The following INSRR variants were observed in gnomAD, a reference collection of about 807,000 sequenced individuals.
INSRR encodes the protein insulin receptor-related protein.
Under a neutral mutation model 130.0 loss-of-function variants are expected in INSRR, and 114 were observed. That is an observed-to-expected ratio of 0.88 (90% confidence interval 0.75 to 1.02). The LOEUF (loss-of-function observed/expected upper bound fraction) is 1.02. Among genes scored for constraint, INSRR ranks in the 50% least tolerant of loss-of-function variants. The pLI, the probability that INSRR is intolerant of heterozygous loss-of-function variation, is 0.00. For missense variants in INSRR, 1,657 were observed against 1,735.2 expected, an observed-to-expected ratio of 0.95 and a Z score of 0.80; for synonymous variants, 674 against 705.2, an observed-to-expected ratio of 0.96 and a Z score of 0.70.
chr1:156,848,097 C>T (rs750920508), intron 7 of INSRR, among the ~76,000 whole-genome samples: 20 of 151,586 alleles, frequency 1.3e-4, no homozygotes, highest in Non-Finnish European at 1.3e-4. Flanking sequence ...CTGTATTTAA[C>T]AAACTCTCCA....
Position 156,849,327 on chromosome 1 carries a change from G to C in INSRR, c.1363C>G (p.Arg455Gly). ...NPRLCLEHIY[R>G]LEEVTGTRGR... is the part of the protein sequence containing the mutation. Reference sequence around the variant, plus strand: ...CGCGTGCCTGTCACCTCCTCCAGTCGGTAGATGTGTTCCAAGCAGAGGCGC... The same window carrying C: ...CGCGTGCCTGTCACCTCCTCCAGTCCGTAGATGTGTTCCAAGCAGAGGCGC... The change falls in exon 6 of 22, where the codon CGA becomes GGA. Residue 455 changes from arginine to glycine, a missense_variant. Transcript: ENST00000368195. 3.1e-6 allele frequency: 5 copies of C among 1,613,906 alleles called. No homozygotes were observed. The highest frequency in any genetic ancestry group is 3.4e-6 in the Non-Finnish European group (4 of 1,180,004).
intron 9 of INSRR, 49 bp downstream of exon 9, chr1:156,845,903 C>G (rs1339090428): frequency 3.1e-6 from 5 of 1,600,174 alleles, no homozygotes; most frequent in Middle Eastern, 1.7e-4. Flanking sequence ...GCCTCCATCT[C>G]CCCTTCCCCA....
In INSRR at chr1:156,845,727, G is replaced by C; in HGVS notation, c.2066C>G (p.Pro689Arg). 10 of 1,613,682 alleles carry C rather than the reference G, an allele frequency of 6.2e-6. No individual in the cohort carries two copies. The highest frequency in any genetic ancestry group is 8.5e-6 in the Non-Finnish European group (10 of 1,179,886). ...PEAEMESDCC[P>R]CQHPPPGQVL... The stretch of plus-strand genomic sequence containing the variant: ...CTGACCAGGAGGTGGGTGCTGGCAA[G>C]GGCAGCAGTCGGACTCCATCTCGGC... The change falls in exon 10 of 22, where the codon CCT becomes CGT. Residue 689 changes from proline (P) to arginine (R), a missense_variant. Coordinates refer to ENST00000368195, the MANE Select transcript of INSRR (RefSeq NM_014215.3).
intron 1 of INSRR, among the ~76,000 whole-genome samples, chr1:156,857,724 G>A (rs1465777921): frequency 1.3e-5 from 2 of 152,222 alleles, no homozygotes; most frequent in African/African-American, 2.4e-5. Flanking sequence ...CCCAGTCTGA[G>A]GGGCATCATA....
intron 1 of INSRR, among the ~76,000 whole-genome samples, chr1:156,856,633 G>C (rs1655413204): frequency 6.6e-6 from 1 of 152,056 alleles, no homozygotes; most frequent in Non-Finnish European, 1.5e-5. Context: ...CATTACCTGG[G>C]GGCATGGCTC....
At position 156,845,154 on chromosome 1, in the gene INSRR, T is replaced by A; in HGVS notation, c.2359A>T (p.Ile787Phe). Residue 787 changes from isoleucine (I) to phenylalanine (F), a missense_variant, in exon 12 of 22, where the codon ATC (isoleucine) becomes TTC (phenylalanine). Transcript: ENST00000368195. The part of the protein sequence containing the change: ...LRHFTEYRID[I>F]HACNHAAHTV... ...TGCGCCGCGTGGTTGCAGGCATGGA[T>A]GTCGATCCGGTATTCCGTGAAGTGG... The A allele has an allele frequency of 1.9e-6, 3 of 1,611,824 alleles. No individual in the cohort carries two copies. In the Admixed American group the frequency reaches 5.0e-5, roughly 27 times the overall value.
chr1:156,847,067 C>T (rs1031018674), intron 7 of INSRR, among the ~76,000 whole-genome samples: 7 of 152,146 alleles, frequency 4.6e-5, no homozygotes, highest in Non-Finnish European at 1.0e-4. Flanking sequence ...GTGAAAGAGT[C>T]CCCTCTCCTA....
Position 156,845,404 on chromosome 1 carries a change from C to T in INSRR, c.2184G>A (p.Trp728Ter). The change falls in exon 11 of 22, where the codon TGG becomes TGA. Residue 728 changes from tryptophan (W) to a stop codon, truncating the protein, a stop_gained. Coordinates refer to ENST00000368195, the MANE Select transcript of INSRR (RefSeq NM_014215.3). LOFTEE classifies it high-confidence loss of function. ...GGCTCTTGTTGATGGACGTCACCTT[C>T]CAAGGGGATCTGGGGAGGCCAGGAG... ...HNAITIPISP[W>*]KVTSINKSPQ... is the part of the protein sequence containing the mutation. The T allele has an allele frequency of 6.4e-7, 1 of 1,560,112 alleles. No individual in the cohort carries two copies.
rs766133295 is a variant in INSRR, at chr1:156,841,769, A to C, written c.3423T>G (p.Tyr1141Ter). 4.3e-6 allele frequency: 7 copies of C among 1,614,042 alleles called. No homozygotes were observed. In the South Asian group the frequency reaches 7.7e-5, roughly 18 times the overall value. Residue 1141 changes from tyrosine to a stop codon, truncating the protein, a stop_gained, in exon 20 of 22, where the codon TAT becomes TAG. Coordinates refer to ENST00000368195, the MANE Select transcript of INSRR (RefSeq NM_014215.3). LOFTEE classifies it high-confidence loss of function. The stretch of plus-strand genomic sequence containing the variant: ...CACCCTTGCGGTAATAGTCTGTCTC[A>C]TACACGTCCCGAGTCATCCCGAAGT... ...IGDFGMTRDV[Y>*]ETDYYRKGGK... is the part of the protein sequence containing the mutation.
intron 5 of INSRR, among the ~76,000 whole-genome samples, chr1:156,850,593 G>A (rs774718542): frequency 2.4e-5 from 3 of 126,300 alleles, no homozygotes; most frequent in South Asian, 2.6e-4. Context: ...TGTAACTCAG[G>A]CCCTAGGCTG....
rs374122291 is a variant in INSRR at position 156,841,652 on chromosome 1, A to C, written c.3527+13T>G. The C allele has an allele frequency of 3.7e-6, 6 of 1,613,056 alleles. No homozygotes were observed. The highest frequency in any genetic ancestry group is 1.3e-5 in the African/African-American group (1 of 74,886). On this transcript the variant is annotated intron_variant, in intron 20 of 21. Transcript: ENST00000368195. The stretch of plus-strand genomic sequence containing the variant: ...CCACATCCCTGGAGCCCTGTGCTCC[A>C]GCTCGGCCCCACCAGACATCCGAGT...
At position 156,840,580 on chromosome 1, in the gene INSRR, A is replaced by T. The variant is rs1244807528; in HGVS notation, c.*293T>A. 1.6e-5 allele frequency: 7 copies of T among 439,184 alleles called. No homozygotes were observed. Among genetic ancestry groups the T allele is most frequent in the Non-Finnish European group, 2.9e-5 (7 of 238,794 alleles). The allele number at this position is 439,184 out of a possible 1,614,324, so 27.2% of individuals were successfully genotyped here. A position where few individuals can be genotyped will look rare whatever the true frequency, so the allele number is the denominator to read the frequency against. ...TAGGGTGGGCGGGCCCCCTCTTCCT[A>T]GTCTGAGTGGGGTCCCTACCTCTGA... On this transcript the variant is annotated 3_prime_UTR_variant, in exon 22 of 22. Transcript: ENST00000368195.
At chr1:156,855,264 C>T (rs1655371862) in intron 1 of INSRR, among the ~76,000 whole-genome samples, 1 of 151,920 alleles carries the variant, frequency 6.6e-6, no homozygotes, top group East Asian at 1.9e-4. Context: ...AGTGCAGTGG[C>T]ACAATCTCAG....
At chr1:156,851,823 C>A in intron 3 of INSRR, 35 bp from the exon 4 acceptor site, 1 of 1,588,478 alleles carries the variant, frequency 6.3e-7, no homozygotes, top group Non-Finnish European at 8.6e-7. Context: ...GAGCCTTGGA[C>A]CAGTTTGGGC....
chr1:156,847,046 A>G (rs1022282385), intron 7 of INSRR, among the ~76,000 whole-genome samples: 1 of 152,238 alleles, frequency 6.6e-6, no homozygotes, highest in Non-Finnish European at 1.5e-5. Context: ...AAATAAAACA[A>G]GAAAGTGTGT....
At chr1:156,846,836 G>T in intron 7 of INSRR, 79 bp from the exon 8 acceptor site, 1 of 1,173,216 alleles carries the variant, frequency 8.5e-7, no homozygotes, top group Non-Finnish European at 1.3e-6. Context: ...AATCACCCCA[G>T]GACTGTCATT....
intron 21 of INSRR, 57 bp from the exon 22 acceptor site, chr1:156,841,161 G>T: frequency 7.4e-7 from 1 of 1,349,388 alleles, no homozygotes; most frequent in Non-Finnish European, 1.0e-6. Flanking sequence ...CACGCTCTCA[G>T]CCTCCTGCAC....
At position 156,858,902 on chromosome 1, in the gene INSRR, G is replaced by A. The variant is rs767243212; in HGVS notation, c.-281C>T. ...TGCAGACAGTGACAGGGAGAGTCTC[G>A]GGCCTCCAGAGGGAGAAAATGACAC... On this transcript the variant is annotated 5_prime_UTR_variant, in exon 1 of 22. Coordinates refer to ENST00000368195, the MANE Select transcript of INSRR (RefSeq NM_014215.3). 131 of 460,560 alleles carry A rather than the reference G, an allele frequency of 2.8e-4. No individual in the cohort carries two copies. The highest frequency in any genetic ancestry group is 4.5e-4 in the Non-Finnish European group (114 of 252,472). 28.5% of individuals were successfully genotyped at this position (460,560 alleles called of 1,614,324 possible).
intron 20 of INSRR, 34 bp from the exon 21 acceptor site, chr1:156,841,562 C>T (rs1654783857): frequency 1.9e-6 from 3 of 1,613,826 alleles, no homozygotes; most frequent in Non-Finnish European, 2.5e-6. Flanking sequence ...AGCCCAGCAC[C>T]CTTCGTGCTA....
Sources: allele counts gnomAD v4.1 joint callset (sites outside exome capture counted in the v4.1 genomes callset), GRCh38; gene constraint gnomAD v4.1.1; transcripts MANE v1.5; gene names NCBI Gene and HGNC (gene_info 2026-07-23, HGNC 2026-07-21).